RNASEH2B: variants seen among roughly 807,000 people sequenced by gnomAD.
RNASEH2B encodes ribonuclease H2 subunit B, also known as Aicardi-Goutieres syndrome 2 protein.
RNASEH2B carries 36 observed loss-of-function variants against 45.0 expected under a neutral mutation model. The observed-to-expected ratio is 0.80, with a 90% confidence interval of 0.61 to 1.06. RNASEH2B has a LOEUF of 1.06. RNASEH2B is among the 50% of genes least tolerant of loss of function. The probability of loss-of-function intolerance (pLI) is 0.00; values close to 1 mark genes in which losing one functional copy is unlikely to be tolerated. For missense variants in RNASEH2B, 361 were observed against 360.3 expected, an observed-to-expected ratio of 1.00 and a Z score of -0.02; for synonymous variants, 119 against 125.7, an observed-to-expected ratio of 0.95 and a Z score of 0.35.
At chr13:50,932,638 G>A (rs1031457760) in intron 4 of RNASEH2B, among the ~76,000 whole-genome samples, 4 of 152,262 alleles carry the variant, frequency 2.6e-5, no homozygotes, top group Middle Eastern at 3.4e-3. Context: ...TTGAGCTTAG[G>A]TACTTCATGA....
chr13:50,939,478 C>T (rs1951808184), intron 5 of RNASEH2B, among the ~76,000 whole-genome samples: 1 of 152,054 alleles, frequency 6.6e-6, no homozygotes, highest in African/African-American at 2.4e-5. Flanking sequence ...TGTGATCACA[C>T]AATTGCACTC....
intron 1 of RNASEH2B, among the ~76,000 whole-genome samples, chr13:50,926,761 T>G (rs1490290761): frequency 6.6e-6 from 1 of 151,704 alleles, no homozygotes; most frequent in Non-Finnish European, 1.5e-5. Flanking sequence ...GTCTTTTATA[T>G]GGCAAAAATC....
At chr13:50,927,749 T>G (rs552613703) in intron 2 of RNASEH2B, among the ~76,000 whole-genome samples, 4 of 152,330 alleles carry the variant, frequency 2.6e-5, no homozygotes, top group Admixed American at 2.6e-4. Context: ...ATGTTTGAGT[T>G]CTCTTTAAAA....
chr13:50,921,225 A>G (rs1039988731), intron 1 of RNASEH2B: 4 of 152,212 alleles, frequency 2.6e-5, no homozygotes, highest in Non-Finnish European at 4.4e-5. Context: ...ACAGAGTCAC[A>G]CTGCTGAGTG....
intron 7 of RNASEH2B, among the ~76,000 whole-genome samples, chr13:50,947,278 T>C (rs979449335): frequency 1.3e-5 from 2 of 152,168 alleles, no homozygotes; most frequent in African/African-American, 4.8e-5. Flanking sequence ...GTATTTCTAA[T>C]TGCTGCCAGA....
intron 1 of RNASEH2B, among the ~76,000 whole-genome samples, chr13:50,920,073 G>A (rs1255664268): frequency 6.6e-5 from 10 of 151,798 alleles, no homozygotes; most frequent in Non-Finnish European, 1.2e-4. Context: ...TTGCTCTGTC[G>A]CCCAGGCTGG....
intron 8 of RNASEH2B, 90 bp downstream of exon 8, chr13:50,948,158 C>G: frequency 6.4e-7 from 1 of 1,563,958 alleles, no homozygotes; most frequent in Non-Finnish European, 8.7e-7. Context: ...TATCATATCA[C>G]TGTTTATGAT....
chr13:50,957,945 A>G (rs115740399), downstream of RNASEH2B, among the ~76,000 whole-genome samples: 1,541 of 152,062 alleles, frequency 0.01, 27 homozygotes, highest in African/African-American at 0.034. Context: ...CTACCTTTTA[A>G]TGGGGTTATT....
intron 5 of RNASEH2B, chr13:50,936,419 G>A (rs1405381501): frequency 1.3e-5 from 2 of 152,168 alleles, no homozygotes; most frequent in Non-Finnish European, 2.9e-5. Context: ...CAGTGGGAAA[G>A]AGAAGAACCT....
In RNASEH2B at chr13:50,947,988, G is replaced by T. The variant is rs762258182; in HGVS notation, c.618G>T (p.Glu206Asp). The T allele has an allele frequency of 1.8e-5, 29 of 1,609,424 alleles. No individual in the cohort carries two copies. In the African/African-American group the frequency reaches 2.7e-4, roughly 15 times the overall value. The change falls in exon 8 of 11, where the codon GAG becomes GAT. Residue 206 changes from glutamate (E) to aspartate (D), a missense_variant and splice_region_variant. Glu to Asp is a conservative substitution (Grantham distance 45, BLOSUM62 2). Coordinates refer to ENST00000336617, the MANE Select transcript of RNASEH2B (RefSeq NM_024570.4). The part of the protein sequence containing the change: ...SGDQASTDKE[E>D]DYIRYAHGLI... ...CACTCCTCCTTCTGTTTCTTTCAGA[G>T]GATTATATTCGTTATGCCCATGGTC...
chr13:50,927,536 C>T (rs958092175), intron 2 of RNASEH2B, 58 bp downstream of exon 2: 36 of 1,045,958 alleles, frequency 3.4e-5, no homozygotes, highest in Non-Finnish European at 4.5e-5. Context: ...TGAGTATATA[C>T]ACTTTTATGT....
chr13:50,930,755 A>G lies in RNASEH2B; in HGVS notation c.317A>G (p.Lys106Arg), dbSNP rs755936337. ...CTCCACTACCTCATAAAGGCTGATA[A>G]GGAGGTGAGTTTCCAGCTCGGAGCA... ...LLLHYLIKADKEGKFQPLDQV... is the reference protein window; with the variant it reads ...LLLHYLIKADREGKFQPLDQV... The change falls in exon 4 of 11, where the codon AAG (lysine) becomes AGG (arginine). Residue 106 changes from lysine to arginine, a missense_variant. Transcript: ENST00000336617. The G allele has an allele frequency of 6.2e-7, 1 of 1,612,782 alleles. No individual in the cohort carries two copies. Among genetic ancestry groups the G allele is most frequent in the Non-Finnish European group, 8.5e-7 (1 of 1,178,726 alleles).
chr13:50,916,351 A>G (rs1188274248), intron 1 of RNASEH2B, among the ~76,000 whole-genome samples: 1 of 152,156 alleles, frequency 6.6e-6, no homozygotes, highest in Admixed American at 6.5e-5. Flanking sequence ...AAAATTGGAG[A>G]AAGTTCAGTT....
intron 8 of RNASEH2B, chr13:50,949,177 C>A: frequency 3.0e-6 from 1 of 330,482 alleles, no homozygotes; most frequent in Non-Finnish European, 5.5e-6. Context: ...AACACCGAAA[C>A]ACAAATTTAT....
chr13:50,970,040 T>G, exon 10 of RNASEH2B: 1 of 1,449,068 alleles, frequency 6.9e-7, no homozygotes, highest in Non-Finnish European at 9.5e-7. Context: ...GACTTTTTCT[T>G]CTGCACTTTT....
chr13:50,967,005 C>T (rs1000935862), intron 9 of RNASEH2B, among the ~76,000 whole-genome samples: 1 of 152,158 alleles, frequency 6.6e-6, no homozygotes, highest in East Asian at 1.9e-4. Context: ...GTCTCAGTTC[C>T]GCCTTAATTC....
At chr13:50,915,487 C>T (rs1436308164) in intron 1 of RNASEH2B, 1 of 398,516 alleles carries the variant, frequency 2.5e-6, no homozygotes, top group Non-Finnish European at 4.4e-6. Context: ...TTCGTGGTAC[C>T]TCTTTGACCA....
At chr13:50,948,204 G>A in intron 8 of RNASEH2B, 136 bp downstream of exon 8, 1 of 1,400,218 alleles carries the variant, frequency 7.1e-7, no homozygotes, top group East Asian at 2.4e-5. Flanking sequence ...TATACTTTGT[G>A]CTTTGGGGAT....
intron 9 of RNASEH2B, chr13:50,950,825 G>C (rs1951967157): frequency 6.6e-6 from 1 of 152,032 alleles, no homozygotes; most frequent in African/African-American, 2.4e-5. Context: ...CCTGATTTCT[G>C]TTTTCTTATT....
Sources: allele counts gnomAD v4.1 joint callset (sites outside exome capture counted in the v4.1 genomes callset), GRCh38; gene constraint gnomAD v4.1.1; transcripts MANE v1.5; gene names NCBI Gene and HGNC (gene_info 2026-07-23, HGNC 2026-07-21).